Variants in POP4 observed in about 807,000 individuals in gnomAD.
POP4 encodes the protein POP4 ribonuclease P/MRP subunit.
POP4 carries 31 observed loss-of-function variants against 29.9 expected under a neutral mutation model. That is an observed-to-expected ratio of 1.04 (90% CI 0.78 to 1.40). The LOEUF is 1.40. POP4 is among the 40% of genes most tolerant of loss of function. The probability of loss-of-function intolerance (pLI) is 0.00; values close to 1 mark genes in which losing one functional copy is unlikely to be tolerated. For synonymous variants in POP4, 110 were observed against 108.2 expected (o/e 1.02, Z -0.10); for missense variants, 286 against 282.7 (o/e 1.01, Z -0.08).
chr19:29,610,640 G>C lies in POP4; in HGVS notation c.284+8G>C, dbSNP rs1488725221. 1.2e-6 allele frequency: 2 copies of C among 1,612,160 alleles called. No individual in the cohort carries two copies. Among genetic ancestry groups the C allele is most frequent in the Non-Finnish European group, 1.7e-6 (2 of 1,179,394 alleles). On this transcript the variant is annotated splice_region_variant and intron_variant, in intron 3 of 6. Coordinates refer to ENST00000585603, the MANE Select transcript of POP4 (RefSeq NM_006627.3). Reference sequence around the variant, plus strand: ...TAAACCAGAGCAGCAGAGGTAACCCGAGCTCCCCACGTCTTTCTGCCCGCG... The same window carrying C: ...TAAACCAGAGCAGCAGAGGTAACCCCAGCTCCCCACGTCTTTCTGCCCGCG...
chr19:29,607,015 A>G (rs1476188028), intron 1 of POP4, among the ~76,000 whole-genome samples: 1 of 152,190 alleles, frequency 6.6e-6, no homozygotes, highest in Non-Finnish European at 1.5e-5. Flanking sequence ...AGCACCTGTA[A>G]CAGATGAAGC....
In POP4 at chr19:29,615,152, G is replaced by GAAAAATA. The variant is rs1198279798; in HGVS notation, c.527-92_527-91insAAAAATA. ...TATTAGCTTATTTTTTTCATTCAATGTGTTCTGAATAATATTCTACCTAAA... is the reference window on the plus strand; with the variant it reads ...TATTAGCTTATTTTTTTCATTCAATGAAAAATATGTTCTGAATAATATTCTACCTAAA... On this transcript the variant is annotated intron_variant, in intron 6 of 6. Coordinates refer to ENST00000585603, the MANE Select transcript of POP4 (RefSeq NM_006627.3). The GAAAAATA allele has an allele frequency of 1.2e-5, 16 of 1,342,634 alleles. No homozygotes were observed. The African/African-American group carries it at 2.4e-4, about 20-fold the overall frequency. 83.2% of individuals were successfully genotyped at this position (1,342,634 alleles called of 1,614,324 possible).
Position 29,616,336 on chromosome 19 carries a change from G to C in POP4, c.*956G>C, listed in dbSNP as rs995004775. 1 of 152,552 alleles carries C rather than the reference G, an allele frequency of 6.6e-6. No individual in the cohort carries two copies. The highest frequency in any genetic ancestry group is 1.5e-5 in the Non-Finnish European group (1 of 68,346). The allele number at this position is 152,552 out of a possible 1,614,324, so 9.4% of individuals were successfully genotyped here. On this transcript the variant is annotated 3_prime_UTR_variant, in exon 7 of 7. Transcript: ENST00000585603. ...GGGCCCAGGGCTGCAGTGAGAGCGG[G>C]GCAGGGGACCAGCCTACCAGATGGG... is the stretch of plus-strand genomic sequence containing the variant.
At position 29,616,131 on chromosome 19, in the gene POP4, C is replaced by G. The variant is rs1014459290; in HGVS notation, c.*751C>G. ...GGAGGACTGAAAGGAGGTCGCCCGGCATCACCTCCCGAGGTGAGACCTGCT... is the reference window on the plus strand; with the variant it reads ...GGAGGACTGAAAGGAGGTCGCCCGGGATCACCTCCCGAGGTGAGACCTGCT... On this transcript the variant is annotated 3_prime_UTR_variant, in exon 7 of 7. Coordinates refer to ENST00000585603, the MANE Select transcript of POP4 (RefSeq NM_006627.3). 5 of 152,250 alleles carry G rather than the reference C, an allele frequency of 3.3e-5. No individual in the cohort carries two copies. Among genetic ancestry groups the G allele is most frequent in the Admixed American group, 1.3e-4 (2 of 15,290 alleles). 9.4% of individuals were successfully genotyped at this position (152,250 alleles called of 1,614,324 possible). A position where few individuals can be genotyped will look rare whatever the true frequency, so the allele number is the denominator to read the frequency against.
chr19:29,615,166 A>G, intron 6 of POP4, 78 bp from the exon 7 acceptor site: 3 of 1,411,686 alleles, frequency 2.1e-6, no homozygotes, highest in Non-Finnish European at 2.8e-6. Flanking sequence ...TCTGAATAAT[A>G]TTCTACCTAA....
chr19:29,607,082 T>G (rs16963088), intron 1 of POP4, among the ~76,000 whole-genome samples: 1,831 of 152,180 alleles, frequency 0.012, 35 homozygotes, highest in African/African-American at 0.041. Flanking sequence ...ATCTTCCATT[T>G]GAGGGAGAAC....
At chr19:29,611,829 C>G in intron 3 of POP4, 33 bp from the exon 4 acceptor site, 2 of 1,583,346 alleles carry the variant, frequency 1.3e-6, no homozygotes, top group Non-Finnish European at 1.7e-6. Flanking sequence ...CTCATGTTGT[C>G]TAACTTTTTC....
At chr19:29,613,348 C>G (rs1245571694) in intron 5 of POP4, 1 of 153,000 alleles carries the variant, frequency 6.5e-6, no homozygotes, top group Non-Finnish European at 1.5e-5. Flanking sequence ...TGCAGGCATT[C>G]CACAGCTGCT....
chr19:29,612,995 G>T (rs376311942), intron 5 of POP4, among the ~76,000 whole-genome samples: 1 of 152,100 alleles, frequency 6.6e-6, no homozygotes, highest in African/African-American at 2.4e-5. Flanking sequence ...AGGCCTCCCC[G>T]CTCCCTGGGG....
intron 3 of POP4, chr19:29,611,029 T>G: frequency 4.8e-6 from 1 of 207,166 alleles, no homozygotes; most frequent in Non-Finnish European, 9.9e-6. Context: ...GCCCACACGT[T>G]TCAGAAGTTT....
rs776915004 is a variant in POP4, at chr19:29,606,312, T to C, written c.-7T>C. On this transcript the variant is annotated 5_prime_UTR_variant, in exon 1 of 7. Coordinates refer to ENST00000585603, the MANE Select transcript of POP4 (RefSeq NM_006627.3). ...CGTCATCAGAGAGCGCCGGAAGCGG[T>C]CCGAGAATGAAGAGTAAGCGGGGCC... is the stretch of plus-strand genomic sequence containing the variant. 3.1e-6 allele frequency: 5 copies of C among 1,605,662 alleles called. No homozygotes were observed. Among genetic ancestry groups the C allele is most frequent in the Non-Finnish European group, 2.5e-6 (3 of 1,176,554 alleles).
At chr19:29,610,694 G>A (rs1971057805) in intron 3 of POP4, 62 bp downstream of exon 3, 1 of 1,526,990 alleles carries the variant, frequency 6.5e-7, no homozygotes, top group African/African-American at 1.4e-5. Context: ...GTGTGAACTT[G>A]GCTGAGTGGC....
rs1028840013 is a variant in POP4 at position 29,616,245 on chromosome 19, C to A, written c.*865C>A. ...CTTGGCTTTTCAGTCTGACCCTGGC[C>A]CTCTGTGACCATGTGTCTGTAAAGC... On this transcript the variant is annotated 3_prime_UTR_variant, in exon 7 of 7. Transcript: ENST00000585603. The A allele has an allele frequency of 3.9e-5, 6 of 152,280 alleles. No homozygotes were observed. Among genetic ancestry groups the A allele is most frequent in the Non-Finnish European group, 8.8e-5 (6 of 68,070 alleles). The allele number at this position is 152,280 out of a possible 1,614,324, so 9.4% of individuals were successfully genotyped here.
At position 29,616,377 on chromosome 19, in the gene POP4, A is replaced by T. The variant is rs1406413448; in HGVS notation, c.*997A>T. The stretch of plus-strand genomic sequence containing the variant: ...ACCAGATGGGTTGGAAACATGGCTC[A>T]GAAGGACCAACTACCCCTTCCCTTT... On this transcript the variant is annotated 3_prime_UTR_variant, in exon 7 of 7. Coordinates refer to ENST00000585603, the MANE Select transcript of POP4 (RefSeq NM_006627.3). 2.0e-5 allele frequency: 3 copies of T among 152,416 alleles called. No homozygotes were observed. Among genetic ancestry groups the T allele is most frequent in the African/African-American group, 7.2e-5 (3 of 41,450 alleles). The allele number at this position is 152,416 out of a possible 1,614,324, so 9.4% of individuals were successfully genotyped here. A position where few individuals can be genotyped will look rare whatever the true frequency, so the allele number is the denominator to read the frequency against.
At chr19:29,611,976 G>A (rs746208099) in intron 4 of POP4, 37 bp downstream of exon 4, 2 of 1,603,956 alleles carry the variant, frequency 1.2e-6, no homozygotes, top group South Asian at 2.2e-5. Context: ...CTTTGGGGTG[G>A]ATCTCAAGCC....
chr19:29,615,558 A>G lies in POP4; in HGVS notation c.*178A>G. On this transcript the variant is annotated 3_prime_UTR_variant, in exon 7 of 7. Transcript: ENST00000585603. ...GAAGGTCGCAGCGTACTAAGTGAAG[A>G]AGTCAGAGGACAGAGGAATTTCTCT... 1 of 568,370 alleles carries G rather than the reference A, an allele frequency of 1.8e-6. No individual in the cohort carries two copies. The highest frequency in any genetic ancestry group is 2.9e-6 in the Non-Finnish European group (1 of 344,434). The allele number at this position is 568,370 out of a possible 1,614,324, so 35.2% of individuals were successfully genotyped here. A position where few individuals can be genotyped will look rare whatever the true frequency, so the allele number is the denominator to read the frequency against.
At chr19:29,613,761 C>T in intron 5 of POP4, 110 bp from the exon 6 acceptor site, 3 of 1,484,128 alleles carry the variant, frequency 2.0e-6, no homozygotes, top group Non-Finnish European at 2.7e-6. Context: ...GTTCTTTCAT[C>T]TGCTAGCTCA....
intron 3 of POP4, chr19:29,611,083 TC>T (rs1304156593): frequency 6.2e-6 from 1 of 161,054 alleles, no homozygotes; most frequent in Non-Finnish European, 1.4e-5. Flanking sequence ...GAGGATGTCT[TC>T]CTCCAGCCGA....
intron 2 of POP4, 38 bp from the exon 3 acceptor site, chr19:29,610,371 C>A (rs746544560): frequency 1.3e-6 from 2 of 1,514,004 alleles, no homozygotes; most frequent in Admixed American, 2.0e-5. Flanking sequence ...CTGCCCAGAC[C>A]GGAGCAGTGA....
Sources: allele counts gnomAD v4.1 joint callset (sites outside exome capture counted in the v4.1 genomes callset), GRCh38; gene constraint gnomAD v4.1.1; transcripts MANE v1.5; gene names NCBI Gene and HGNC (gene_info 2026-07-23, HGNC 2026-07-21).